SNTG1: variants seen among roughly 807,000 people sequenced by gnomAD.
The protein encoded by SNTG1 is gamma-1-syntrophin.
SNTG1 carries 39 observed loss-of-function variants against 74.7 expected under a neutral mutation model. The ratio of observed to expected loss-of-function variants is 0.52; its 90% CI spans 0.40 to 0.68. The LOEUF (loss-of-function observed/expected upper bound fraction) is 0.68, where lower values mean the gene tolerates loss of function less well. Among genes scored for constraint, SNTG1 ranks in the 30% least tolerant of loss-of-function variants. SNTG1 has a pLI of 0.00. For missense variants in SNTG1, 685 were observed against 609.5 expected, an observed-to-expected ratio of 1.12 and a Z score of -1.30; for synonymous variants, 254 against 217.1, an observed-to-expected ratio of 1.17 and a Z score of -1.49.
chr8:50,502,285 G>A (rs2093966761), intron 8 of SNTG1, among the ~76,000 whole-genome samples: 1 of 152,108 alleles, frequency 6.6e-6, no homozygotes, highest in South Asian at 2.1e-4. Flanking sequence ...ATCTGAATTA[G>A]TACTCTGGTC....
At chr8:50,709,385 TA>T (rs904931517) in intron 17 of SNTG1, among the ~76,000 whole-genome samples, 8 of 151,940 alleles carry the variant, frequency 5.3e-5, no homozygotes, top group East Asian at 1.9e-4. Context: ...GTTGTTTTTT[TA>T]AAAAAAATTA....
chr8:50,530,360 G>A, intron 10 of SNTG1, 101 bp downstream of exon 10: 2 of 1,099,734 alleles, frequency 1.8e-6, no homozygotes, highest in South Asian at 1.4e-5. Flanking sequence ...GAAATCCCTG[G>A]TTGCATAATC....
intron 2 of SNTG1, among the ~76,000 whole-genome samples, chr8:50,247,793 G>C (rs1163102001): frequency 6.6e-6 from 1 of 151,966 alleles, no homozygotes; most frequent in Non-Finnish European, 1.5e-5. Flanking sequence ...CAAAGTGTTG[G>C]AATTACAGCC....
intron 15 of SNTG1, among the ~76,000 whole-genome samples, chr8:50,668,403 C>T (rs2095260819): frequency 6.6e-6 from 1 of 150,912 alleles, no homozygotes; most frequent in Admixed American, 6.6e-5. Context: ...GTTTCATACT[C>T]TTTTCTTGTT....
chr8:50,282,776 A>T (rs1369779209), intron 2 of SNTG1, among the ~76,000 whole-genome samples: 1 of 152,138 alleles, frequency 6.6e-6, no homozygotes, highest in Admixed American at 6.6e-5. Flanking sequence ...CTCAAAAAAA[A>T]AGGAAAAATA....
chr8:50,063,715 A>T lies in SNTG1; in HGVS notation c.-102-108846A>T, dbSNP rs577703607. The stretch of plus-strand genomic sequence containing the variant: ...CTGGAAACCATTGCTTTTTTTTTTT[A>T]AATATAAAATGACTTAATAGCTTTT... On this transcript the variant is annotated intron_variant, in intron 1 of 18. Transcript: ENST00000642720. 4.2e-3 allele frequency among the ~76,000 whole-genome samples: 634 copies of T among 151,632 alleles called. 7 individuals are homozygous for T. Among genetic ancestry groups the T allele is most frequent in the African/African-American group, 0.014 (599 of 41,354 alleles).
chr8:50,243,983 T>C (rs1375923259), intron 2 of SNTG1, among the ~76,000 whole-genome samples: 1 of 152,146 alleles, frequency 6.6e-6, no homozygotes, highest in African/African-American at 2.4e-5. Context: ...AAGAAATACC[T>C]GAGACTGGGT....
chr8:50,754,357 G>A (rs181926230), intron 18 of SNTG1, among the ~76,000 whole-genome samples: 1 of 151,964 alleles, frequency 6.6e-6, no homozygotes, highest in East Asian at 1.9e-4. Context: ...TCCCTGCAAG[G>A]TTTGGGTATT....
intron 1 of SNTG1, among the ~76,000 whole-genome samples, chr8:50,106,504 G>C (rs2080378768): frequency 6.6e-6 from 1 of 152,150 alleles, no homozygotes; most frequent in Admixed American, 6.6e-5. Flanking sequence ...CTCAAGAGCA[G>C]TGACTCCAGC....
intron 13 of SNTG1, among the ~76,000 whole-genome samples, chr8:50,636,961 T>G (rs576390607): frequency 3.3e-5 from 5 of 152,274 alleles, no homozygotes; most frequent in Admixed American, 3.3e-4. Flanking sequence ...CTTCCCTCCA[T>G]AGCATAATTC....
rs113194936 is a variant in SNTG1, at chr8:50,464,315, C to T, written c.363+13586C>T. The stretch of plus-strand genomic sequence containing the variant: ...CTTGTGCAAGAAGCCTACAATTTGC[C>T]CTATTTTGCCTTCCAATACCCCTTC... On this transcript the variant is annotated intron_variant, in intron 8 of 18. Transcript: ENST00000642720. Among the ~76,000 whole-genome samples the T allele has an allele frequency of 7.2e-5, 11 of 152,136 alleles. 1 individual carries two copies. The highest frequency in any genetic ancestry group is 2.2e-4 in the African/African-American group (9 of 41,512).
At chr8:50,519,403 A>T (rs112270660) in intron 9 of SNTG1, among the ~76,000 whole-genome samples, 5,697 of 152,242 alleles carry the variant, frequency 0.037, 372 homozygotes, top group African/African-American at 0.13. Flanking sequence ...CAAGACAAGG[A>T]TGCCCTCTCT....
intron 2 of SNTG1, among the ~76,000 whole-genome samples, chr8:50,296,435 A>G (rs2089376949): frequency 6.6e-6 from 1 of 152,220 alleles, no homozygotes; most frequent in African/African-American, 2.4e-5. Flanking sequence ...ATGCAGCCAT[A>G]AGAAAGAATG....
intron 1 of SNTG1, among the ~76,000 whole-genome samples, chr8:50,131,637 A>G (rs187521247): frequency 3.6e-4 from 55 of 152,272 alleles, no homozygotes; most frequent in Middle Eastern, 3.4e-3. Context: ...TAATGCCTCA[A>G]TGAACATGGG....
At chr8:50,761,356 G>A (rs908523693) in intron 18 of SNTG1, among the ~76,000 whole-genome samples, 1 of 151,908 alleles carries the variant, frequency 6.6e-6, no homozygotes, top group African/African-American at 2.4e-5. Flanking sequence ...GGTGGGGGAG[G>A]GGAGTGTTCT....
At chr8:50,488,570 G>A (rs564454230) in intron 8 of SNTG1, among the ~76,000 whole-genome samples, 7 of 152,104 alleles carry the variant, frequency 4.6e-5, no homozygotes, top group Admixed American at 2.0e-4. Context: ...ACCTCTCAAC[G>A]TCTCCCTTTC....
intron 12 of SNTG1, among the ~76,000 whole-genome samples, chr8:50,562,489 G>A (rs2094494221): frequency 6.6e-6 from 1 of 152,154 alleles, no homozygotes; most frequent in African/African-American, 2.4e-5. Flanking sequence ...GTGAAAGGCT[G>A]CACTTCTACT....
At chr8:50,187,142 C>A (rs559084871) in intron 2 of SNTG1, among the ~76,000 whole-genome samples, 1 of 152,184 alleles carries the variant, frequency 6.6e-6, no homozygotes, top group South Asian at 2.1e-4. Context: ...CACTGACTTT[C>A]TTCACAGAAT....
At chr8:50,125,824 G>T (rs766312396) in intron 1 of SNTG1, among the ~76,000 whole-genome samples, 2 of 152,134 alleles carry the variant, frequency 1.3e-5, no homozygotes, top group African/African-American at 2.4e-5. Context: ...AATGCTGATC[G>T]TATGGCATGC....
Sources: allele counts gnomAD v4.1 joint callset (sites outside exome capture counted in the v4.1 genomes callset), GRCh38; gene constraint gnomAD v4.1.1; transcripts MANE v1.5; gene names NCBI Gene and HGNC (gene_info 2026-07-23, HGNC 2026-07-21).